Variants in DNAH3 observed in about 807,000 individuals in gnomAD.
DNAH3 encodes dynein axonemal heavy chain 3, also known as axonemal beta dynein heavy chain 3.
DNAH3 carries 332 observed loss-of-function variants against 432.5 expected under a neutral mutation model. The ratio of observed to expected loss-of-function variants is 0.77; its 90% CI spans 0.70 to 0.84. The LOEUF is 0.84. DNAH3 is among the 40% of genes least tolerant of loss of function. DNAH3 has a pLI of 0.00. For missense variants in DNAH3, 4,861 were observed against 5,114.0 expected (o/e 0.95, Z 1.51); for synonymous variants, 1,956 against 1,900.2 (o/e 1.03, Z -0.76).
At chr16:20,967,557 C>CA (rs896793382) in intron 52 of DNAH3, among the ~76,000 whole-genome samples, 12 of 125,124 alleles carry the variant, frequency 9.6e-5, no homozygotes, top group Admixed American at 9.5e-4. Context: ...GGCTGGAGTG[C>CA]AATGGCGTGG....
At chr16:20,953,170 T>C (rs1304519775) in intron 55 of DNAH3, among the ~76,000 whole-genome samples, 1 of 151,898 alleles carries the variant, frequency 6.6e-6, no homozygotes, top group Non-Finnish European at 1.5e-5. Context: ...GTTGTTTTTT[T>C]TTTTTGGAGA....
chr16:21,110,168 A>G (rs2092037784), intron 14 of DNAH3, among the ~76,000 whole-genome samples: 1 of 152,244 alleles, frequency 6.6e-6, no homozygotes, highest in South Asian at 2.1e-4. Context: ...GGCAGTTGCC[A>G]TCTCAGCCAA....
chr16:20,985,324 A>G (rs1487620923), exon 48 of DNAH3: 1 of 1,614,188 alleles, frequency 6.2e-7, no homozygotes, highest in Admixed American at 1.7e-5. Flanking sequence ...GATCTTCTTA[A>G]GATCTTCTCG....
Position 20,945,371 on chromosome 16 carries a change from G to A in DNAH3, c.11344-708C>T, listed in dbSNP as rs972325912. Among the ~76,000 whole-genome samples, 14 of 152,072 alleles carry A rather than the reference G, an allele frequency of 9.2e-5. No homozygotes were observed. In the East Asian group the frequency reaches 9.6e-4, roughly 10 times the overall value. ...TCTTGGAATTGCCCACCCCTTTCCC[G>A]GAAAACTCATGAATAATCCACCCCT... On this transcript the variant is annotated intron_variant, in intron 57 of 61. Coordinates refer to ENST00000261383, the Ensembl canonical transcript of DNAH3.
chr16:21,016,868 C>T (rs1321128049), intron 41 of DNAH3, among the ~76,000 whole-genome samples: 1 of 152,052 alleles, frequency 6.6e-6, no homozygotes, highest in East Asian at 1.9e-4. Flanking sequence ...GGATGAACGC[C>T]GAAGACATTA....
chr16:20,993,680 T>A (rs898419923), intron 44 of DNAH3, among the ~76,000 whole-genome samples: 21 of 152,150 alleles, frequency 1.4e-4, no homozygotes, highest in African/African-American at 5.1e-4. Context: ...GCCCAAAAGT[T>A]TTTTTCTTTT....
At chr16:21,051,641 C>T in intron 29 of DNAH3, 29 bp downstream of exon 29, 2 of 1,609,166 alleles carry the variant, frequency 1.2e-6, no homozygotes, top group Non-Finnish European at 1.7e-6. Context: ...CTCCGTTCAC[C>T]CCTCAGATCT....
exon 34 of DNAH3, chr16:21,037,898 C>T (rs756364538): frequency 5.3e-5 from 86 of 1,614,022 alleles, no homozygotes; most frequent in Non-Finnish European, 6.9e-5. Context: ...GACTTGACAG[C>T]GCGCATACCG....
At position 21,079,548 on chromosome 16, in the gene DNAH3, AG is replaced by A. The variant is rs557711031; in HGVS notation, c.2969+2087del. ...TGAGGCAGAAGAATCACTTGAACCC[AG>A]GAGGCGGAGGTTGCAGTGAGCTGAG... On this transcript the variant is annotated intron_variant, in intron 20 of 61. Coordinates refer to ENST00000261383, the Ensembl canonical transcript of DNAH3. Among the ~76,000 whole-genome samples the A allele has an allele frequency of 4.2e-3, 644 of 152,260 alleles. 3 individuals are homozygous for A. Among genetic ancestry groups the A allele is most frequent in the Middle Eastern group, 0.02 (6 of 294 alleles).
At chr16:21,117,313 C>A in exon 12 of DNAH3, 1 of 1,606,028 alleles carries the variant, frequency 6.2e-7, no homozygotes, top group Non-Finnish European at 8.5e-7. Context: ...TATATCCTTT[C>A]AGCTCTGGGA....
At chr16:20,962,206 T>C (rs1408800189) in intron 53 of DNAH3, among the ~76,000 whole-genome samples, 1 of 151,902 alleles carries the variant, frequency 6.6e-6, no homozygotes, top group Non-Finnish European at 1.5e-5. Context: ...AAATAATCAT[T>C]GTGCACCTGC....
intron 3 of DNAH3, among the ~76,000 whole-genome samples, chr16:21,144,639 G>T (rs1044508367): frequency 6.6e-6 from 1 of 152,130 alleles, no homozygotes; most frequent in Non-Finnish European, 1.5e-5. Context: ...ACAGAATTTT[G>T]GAATAACTTA....
intron 1 of DNAH3, among the ~76,000 whole-genome samples, chr16:21,158,052 A>T (rs1567891683): frequency 6.6e-6 from 1 of 152,196 alleles, no homozygotes; most frequent in Non-Finnish European, 1.5e-5. Context: ...ACCTTACTCT[A>T]TAGGGCAGAT....
intron 44 of DNAH3, among the ~76,000 whole-genome samples, chr16:20,988,871 G>A (rs2086369064): frequency 6.6e-6 from 1 of 152,108 alleles, no homozygotes; most frequent in South Asian, 2.1e-4. Flanking sequence ...CGCTGGCTCA[G>A]GAGTGAAGCT....
intron 59 of DNAH3, among the ~76,000 whole-genome samples, chr16:20,939,381 G>A (rs529161834): frequency 6.6e-6 from 1 of 152,312 alleles, no homozygotes; most frequent in East Asian, 1.9e-4. Flanking sequence ...GGAGGCCAAG[G>A]TGGGCGGATC....
Position 21,156,996 on chromosome 16 carries a change from A to AACACACACACACACACAC in DNAH3, c.117+2311_117+2328dup, listed in dbSNP as rs34199213. On this transcript the variant is annotated intron_variant, in intron 1 of 61. Coordinates refer to ENST00000261383, the Ensembl canonical transcript of DNAH3. ...TGATTGGAAGGCTGTAATCTAAGGAAACACACACACACACACACACACACA... is the reference window on the plus strand; with the variant it reads ...TGATTGGAAGGCTGTAATCTAAGGAAACACACACACACACACACACACACACACACACACACACACACA... Among the ~76,000 whole-genome samples the AACACACACACACACACAC allele has an allele frequency of 3.5e-3, 520 of 147,518 alleles. 1 individual carries two copies. The highest frequency in any genetic ancestry group is 0.012 in the African/African-American group (481 of 39,664).
chr16:21,153,714 G>GAAGGAACGAA (rs2092878873), intron 1 of DNAH3, among the ~76,000 whole-genome samples: 2 of 151,470 alleles, frequency 1.3e-5, no homozygotes, highest in African/African-American at 4.9e-5. Context: ...ACACATCCGA[G>GAAGGAACGAA]CATCAGAAGG....
At chr16:21,039,982 A>G (rs1353205401) in intron 32 of DNAH3, 39 bp from the exon 33 acceptor site, 2 of 1,507,578 alleles carry the variant, frequency 1.3e-6, no homozygotes, top group African/African-American at 2.8e-5. Context: ...GAACACGTGC[A>G]GTGAATACTG....
intron 6 of DNAH3, among the ~76,000 whole-genome samples, chr16:21,135,649 G>A (rs992391447): frequency 1.3e-5 from 2 of 151,922 alleles, no homozygotes; most frequent in East Asian, 3.9e-4. Flanking sequence ...TTGAAATCCT[G>A]ACCAACCTCT....
Sources: gnomAD v4.1 joint callset for allele counts (sites outside exome capture counted in the v4.1 genomes callset) on GRCh38, gnomAD v4.1.1 for gene constraint, MANE v1.5 for transcripts, NCBI Gene and HGNC (gene_info 2026-07-23, HGNC 2026-07-21) for gene names.